BCAR3: variants seen among roughly 807,000 people sequenced by gnomAD.
BCAR3 encodes BCAR3 adaptor protein, NSP family member.
In BCAR3, 37 loss-of-function variants were observed where a neutral mutation model predicts 80.1. That is an observed-to-expected ratio of 0.46 (90% CI 0.36 to 0.61). The LOEUF is 0.61. Among genes scored for constraint, BCAR3 ranks in the 20% least tolerant of loss-of-function variants. The probability of loss-of-function intolerance (pLI) is 0.00; values close to 1 mark genes in which losing one functional copy is unlikely to be tolerated. For missense variants in BCAR3, 978 were observed against 1,068.2 expected, an observed-to-expected ratio of 0.92 and a Z score of 1.18; for synonymous variants, 389 against 418.9, an observed-to-expected ratio of 0.93 and a Z score of 0.87.
intron 1 of BCAR3, among the ~76,000 whole-genome samples, chr1:93,678,242 T>C (rs1345270933): frequency 6.6e-6 from 1 of 152,206 alleles, no homozygotes; most frequent in Non-Finnish European, 1.5e-5. Flanking sequence ...GTCTTTTTGG[T>C]ACACAGCAAT....
At position 93,582,819 on chromosome 1, in the gene BCAR3, C is replaced by T; in HGVS notation, c.1168G>A (p.Glu390Lys). ...RRVSSDARAGEALRGSDSQLC... is the reference protein window; with the variant it reads ...RRVSSDARAGKALRGSDSQLC... ...TGACTGTCTGATCCCCTCAGCGCCT[C>T]CCCAGCCCTGGCGTCTGAGGAGACC... The change falls in exon 7 of 12, where the codon GAG becomes AAG. Residue 390 changes from glutamate to lysine, a missense_variant. Physicochemically the swap from Glu to Lys is moderately conservative, Grantham distance 56. Transcript: ENST00000260502. 6.2e-7 allele frequency: 1 copy of T among 1,613,892 alleles called. No individual in the cohort carries two copies. Among genetic ancestry groups the T allele is most frequent in the East Asian group, 2.2e-5 (1 of 44,868 alleles).
chr1:93,846,329 G>T (rs543187139), intron 1 of BCAR3, among the ~76,000 whole-genome samples: 1 of 152,348 alleles, frequency 6.6e-6, no homozygotes, highest in East Asian at 1.9e-4. Context: ...CTGTGGCCGA[G>T]CCGAGAAAGC....
intron 2 of BCAR3, among the ~76,000 whole-genome samples, chr1:93,648,364 G>C (rs1051494124): frequency 3.9e-5 from 6 of 152,162 alleles, no homozygotes; most frequent in African/African-American, 1.2e-4. Context: ...AATGGTAAAA[G>C]TACCAAAAGC....
At chr1:93,774,611 CCT>C (rs1472597628) in intron 2 of BCAR3, among the ~76,000 whole-genome samples, 1 of 152,174 alleles carries the variant, frequency 6.6e-6, no homozygotes, top group Non-Finnish European at 1.5e-5. Flanking sequence ...TCACCCAAGC[CCT>C]GTCCCTATGG....
chr1:93,564,697 T>A (rs543259832), intron 11 of BCAR3, among the ~76,000 whole-genome samples: 1 of 152,226 alleles, frequency 6.6e-6, no homozygotes, highest in South Asian at 2.1e-4. Flanking sequence ...GTGTATGGTA[T>A]GAGGTAAGGA....
chr1:93,620,614 G>A, intron 3 of BCAR3, among the ~76,000 whole-genome samples: 1 of 152,118 alleles, frequency 6.6e-6, no homozygotes, highest in East Asian at 1.9e-4. Context: ...CCTCAGTCCT[G>A]ATTGGATGCC....
chr1:93,623,212 C>A (rs1178357590), intron 3 of BCAR3, among the ~76,000 whole-genome samples: 1 of 152,012 alleles, frequency 6.6e-6, no homozygotes, highest in African/African-American at 2.4e-5. Context: ...CAAAACTTAG[C>A]ATTCATGTCT....
chr1:93,813,410 G>A (rs1419947737), intron 2 of BCAR3, among the ~76,000 whole-genome samples: 2 of 152,134 alleles, frequency 1.3e-5, no homozygotes, highest in Admixed American at 6.5e-5. Flanking sequence ...GACTCAAATC[G>A]GGTGTGGCTA....
intron 2 of BCAR3, among the ~76,000 whole-genome samples, chr1:93,760,196 G>T (rs774009588): frequency 6.6e-6 from 1 of 152,082 alleles, no homozygotes. Flanking sequence ...TGGAGTTTTC[G>T]GGCTAACCAT....
chr1:93,733,192 T>A (rs962712046), intron 2 of BCAR3, among the ~76,000 whole-genome samples: 6 of 151,840 alleles, frequency 4.0e-5, no homozygotes, highest in African/African-American at 1.5e-4. Context: ...TTCTAGCCCC[T>A]CCCCACCAGC....
chr1:93,593,278 T>C (rs1674284356), intron 3 of BCAR3, among the ~76,000 whole-genome samples: 1 of 152,214 alleles, frequency 6.6e-6, no homozygotes, highest in Admixed American at 6.5e-5. Context: ...CCTGTGGTTC[T>C]CCCAAGTTTC....
At chr1:93,804,549 A>C (rs1393597178) in intron 2 of BCAR3, among the ~76,000 whole-genome samples, 1 of 152,230 alleles carries the variant, frequency 6.6e-6, no homozygotes, top group Non-Finnish European at 1.5e-5. Flanking sequence ...ACTAACAGAC[A>C]GGCAGTGTAT....
intron 7 of BCAR3, among the ~76,000 whole-genome samples, chr1:93,577,290 C>G (rs12069192): frequency 0.045 from 6,915 of 152,174 alleles, 527 homozygotes; most frequent in African/African-American, 0.16. Context: ...TCTCCTTGAT[C>G]TGGTACACTT....
At chr1:93,695,994 T>G (rs1289182999) in intron 3 of BCAR3, among the ~76,000 whole-genome samples, 1 of 152,156 alleles carries the variant, frequency 6.6e-6, no homozygotes, top group Non-Finnish European at 1.5e-5. Context: ...CTCTGCCTGG[T>G]TATCACACAT....
chr1:93,689,872 G>C (rs1170956813), intron 3 of BCAR3, among the ~76,000 whole-genome samples: 3 of 152,110 alleles, frequency 2.0e-5, no homozygotes, highest in Non-Finnish European at 4.4e-5. Flanking sequence ...TATACAGAAG[G>C]AGCCAGACTG....
chr1:93,630,720 G>A (rs1358242515), intron 3 of BCAR3, among the ~76,000 whole-genome samples: 1 of 152,202 alleles, frequency 6.6e-6, no homozygotes, highest in Non-Finnish European at 1.5e-5. Flanking sequence ...CTTTTAGTAC[G>A]GATGTCAGGG....
intron 2 of BCAR3, among the ~76,000 whole-genome samples, chr1:93,670,187 C>T (rs747958180): frequency 1.3e-5 from 2 of 152,200 alleles, no homozygotes; most frequent in Non-Finnish European, 2.9e-5. Context: ...ATCCTGTCTG[C>T]AGACCTCTCA....
intron 2 of BCAR3, among the ~76,000 whole-genome samples, chr1:93,783,492 GA>G (rs1652836967): frequency 1.3e-5 from 2 of 151,632 alleles, no homozygotes; most frequent in South Asian, 2.1e-4. Flanking sequence ...TAAATATATA[GA>G]AAAAAAGGGT....
intron 2 of BCAR3, among the ~76,000 whole-genome samples, chr1:93,771,498 C>T (rs989170374): frequency 6.6e-6 from 1 of 152,200 alleles, no homozygotes; most frequent in African/African-American, 2.4e-5. Context: ...AGTTATATAA[C>T]GTCTCTATGT....
Sources: gnomAD v4.1 joint callset for allele counts (sites outside exome capture counted in the v4.1 genomes callset) on GRCh38, gnomAD v4.1.1 for gene constraint, MANE v1.5 for transcripts, NCBI Gene and HGNC (gene_info 2026-07-23, HGNC 2026-07-21) for gene names.